The following VAV3 variants were observed in gnomAD, a reference collection of about 807,000 sequenced individuals.
VAV3 encodes guanine nucleotide exchange factor VAV3.
A neutral mutation model predicts 131.2 loss-of-function variants in VAV3; 94 were observed. The ratio of observed to expected loss-of-function variants is 0.72; its 90% CI spans 0.61 to 0.85. VAV3 has a LOEUF of 0.85. Among genes scored for constraint, VAV3 ranks in the 40% least tolerant of loss-of-function variants. The pLI, the probability that VAV3 is intolerant of heterozygous loss-of-function variation, is 0.00. For missense variants in VAV3, 939 were observed against 1,002.7 expected, an observed-to-expected ratio of 0.94 and a Z score of 0.86; for synonymous variants, 349 against 342.0, an observed-to-expected ratio of 1.02 and a Z score of -0.22.
At chr1:107,578,092 G>C (rs573197237) in intron 25 of VAV3, among the ~76,000 whole-genome samples, 1 of 152,138 alleles carries the variant, frequency 6.6e-6, no homozygotes, top group African/African-American at 2.4e-5. Flanking sequence ...GACTTATTAA[G>C]GAGATTCCCA....
At chr1:107,684,771 T>C (rs901441889) in intron 18 of VAV3, among the ~76,000 whole-genome samples, 3 of 152,176 alleles carry the variant, frequency 2.0e-5, no homozygotes, top group African/African-American at 4.8e-5. Context: ...GCTCTAGATT[T>C]GTTGGTAGCC....
intron 19 of VAV3, among the ~76,000 whole-genome samples, chr1:107,651,608 G>T (rs1480551988): frequency 6.6e-6 from 1 of 151,692 alleles, no homozygotes; most frequent in Non-Finnish European, 1.5e-5. Context: ...ATATGCATGT[G>T]CACACACATG....
chr1:107,846,252 A>C (rs1466265392), intron 2 of VAV3, among the ~76,000 whole-genome samples: 1 of 152,262 alleles, frequency 6.6e-6, no homozygotes, highest in Non-Finnish European at 1.5e-5. Flanking sequence ...AAATGCTGAG[A>C]GATTTTATCA....
At chr1:107,660,827 T>C (rs1199264549) in intron 19 of VAV3, among the ~76,000 whole-genome samples, 1 of 152,034 alleles carries the variant, frequency 6.6e-6, no homozygotes, top group Non-Finnish European at 1.5e-5. Flanking sequence ...TACAGGCAAA[T>C]ATTACAAAGC....
chr1:107,671,525 A>G (rs775358708), intron 19 of VAV3, among the ~76,000 whole-genome samples: 74 of 152,234 alleles, frequency 4.9e-4, no homozygotes, highest in Non-Finnish European at 8.8e-4. Context: ...AGAAGTTGAA[A>G]TTTTCATACT....
intron 25 of VAV3, among the ~76,000 whole-genome samples, chr1:107,592,529 T>C (rs1558072371): frequency 6.6e-6 from 1 of 152,134 alleles, no homozygotes; most frequent in Non-Finnish European, 1.5e-5. Flanking sequence ...ACTAATTCTC[T>C]ACAAATAAAA....
chr1:107,636,088 T>C (rs1016676858), intron 20 of VAV3, among the ~76,000 whole-genome samples: 5 of 152,212 alleles, frequency 3.3e-5, no homozygotes, highest in Non-Finnish European at 7.3e-5. Context: ...TCATCATTAC[T>C]ATAAGGAAAG....
At chr1:107,956,474 C>A (rs57355117) in intron 1 of VAV3, among the ~76,000 whole-genome samples, 15,445 of 152,006 alleles carry the variant, frequency 0.1, 1,386 homozygotes, top group African/African-American at 0.24. Context: ...GCCTTTGAAA[C>A]GTACACAAGC....
chr1:107,666,572 C>CTT (rs561256376), intron 19 of VAV3, among the ~76,000 whole-genome samples: 164 of 138,284 alleles, frequency 1.2e-3, no homozygotes, highest in East Asian at 2.3e-3. Flanking sequence ...TCATTTGAGA[C>CTT]TTTTTTTTTT....
rs1032518707 is a variant in VAV3, at chr1:107,922,779, C to T, written c.204+41887G>A. Among the ~76,000 whole-genome samples the T allele has an allele frequency of 2.0e-5, 3 of 151,662 alleles. No homozygotes were observed. The South Asian group carries it at 6.3e-4, about 32-fold the overall frequency. ...CATCCTGGCTAACACAGTGAAACCCCGCCTCTACTAAAAATACAAAAAATT... is the reference window on the plus strand; with the variant it reads ...CATCCTGGCTAACACAGTGAAACCCTGCCTCTACTAAAAATACAAAAAATT... On this transcript the variant is annotated intron_variant, in intron 1 of 26. Coordinates refer to ENST00000370056, the MANE Select transcript of VAV3 (RefSeq NM_006113.5).
intron 2 of VAV3, among the ~76,000 whole-genome samples, chr1:107,844,757 C>T (rs1375354339): frequency 6.6e-6 from 1 of 152,210 alleles, no homozygotes. Flanking sequence ...TCTCTAGATT[C>T]CTCCTGTCTG....
At chr1:107,735,764 C>A (rs1224967711) in intron 15 of VAV3, among the ~76,000 whole-genome samples, 2 of 152,088 alleles carry the variant, frequency 1.3e-5, no homozygotes, top group African/African-American at 4.8e-5. Context: ...TCACAACCGA[C>A]TTCTACCAGA....
intron 20 of VAV3, among the ~76,000 whole-genome samples, chr1:107,625,970 C>T (rs979713970): frequency 1.3e-5 from 2 of 152,082 alleles, no homozygotes; most frequent in Non-Finnish European, 2.9e-5. Flanking sequence ...AGGACCACAA[C>T]AGAATTTCTC....
intron 2 of VAV3, among the ~76,000 whole-genome samples, chr1:107,781,042 G>C (rs1041695816): frequency 6.6e-5 from 10 of 152,078 alleles, no homozygotes; most frequent in African/African-American, 2.4e-4. Context: ...GAGAGTACCA[G>C]CCACACATAC....
At position 107,964,937 on chromosome 1, in the gene VAV3, C is replaced by T. The variant is rs1383049934; in HGVS notation, c.-68G>A. On this transcript the variant is annotated 5_prime_UTR_variant, in exon 1 of 27. Transcript: ENST00000370056. ...AGGATGCGGCCGCCGCCGCCGCCGC[C>T]GCGGTTCCTCCGCGCCCCGCCGACG... 3.1e-5 allele frequency: 24 copies of T among 780,082 alleles called. No homozygotes were observed. The highest frequency in any genetic ancestry group is 4.1e-5 in the Non-Finnish European group (24 of 586,564). 48.3% of individuals were successfully genotyped at this position (780,082 alleles called of 1,614,324 possible).
chr1:107,665,811 C>T (rs916833112), intron 19 of VAV3, among the ~76,000 whole-genome samples: 6 of 152,112 alleles, frequency 3.9e-5, no homozygotes, highest in Admixed American at 3.9e-4. Flanking sequence ...CCTACTAGGT[C>T]GTCTCCTGGT....
At chr1:107,831,816 CTCA>C (rs1357129842) in intron 2 of VAV3, among the ~76,000 whole-genome samples, 7 of 152,190 alleles carry the variant, frequency 4.6e-5, no homozygotes, top group Non-Finnish European at 8.8e-5. Context: ...TAGACATATT[CTCA>C]TGTAACCATA....
intron 17 of VAV3, among the ~76,000 whole-genome samples, chr1:107,696,378 A>G (rs1424705263): frequency 2.0e-5 from 3 of 152,216 alleles, no homozygotes; most frequent in Non-Finnish European, 4.4e-5. Context: ...CTATAGTGCT[A>G]TAGGACATTA....
At chr1:107,782,599 C>T (rs10881483) in intron 2 of VAV3, among the ~76,000 whole-genome samples, 118,750 of 152,140 alleles carry the variant, frequency 0.78, 46,558 homozygotes, top group Non-Finnish European at 0.81. Context: ...CAGTGTATCC[C>T]AAAGTGAGTG....
Sources: gnomAD v4.1 joint callset for allele counts (sites outside exome capture counted in the v4.1 genomes callset) on GRCh38, gnomAD v4.1.1 for gene constraint, MANE v1.5 for transcripts, NCBI Gene and HGNC (gene_info 2026-07-23, HGNC 2026-07-21) for gene names.